The following DSCAM variants were observed in gnomAD, a reference collection of about 807,000 sequenced individuals.
The protein encoded by DSCAM is cell adhesion molecule DSCAM.
DSCAM carries 47 observed loss-of-function variants against 217.7 expected under a neutral mutation model. That is an observed-to-expected ratio of 0.22 (90% CI 0.17 to 0.28). DSCAM has a LOEUF of 0.28. Among genes scored for constraint, DSCAM ranks in the 10% least tolerant of loss-of-function variants. The pLI is 1.00. For missense variants in DSCAM, 2,080 were observed against 2,618.3 expected, an observed-to-expected ratio of 0.79 and a Z score of 4.49; for synonymous variants, 1,056 against 1,015.3, an observed-to-expected ratio of 1.04 and a Z score of -0.76.
At chr21:40,412,021 GT>G (rs1338926790) in intron 3 of DSCAM, among the ~76,000 whole-genome samples, 8 of 152,248 alleles carry the variant, frequency 5.3e-5, no homozygotes, top group South Asian at 2.1e-4. Flanking sequence ...AGATCTGATG[GT>G]TTGATAAGGG....
Position 40,692,792 on chromosome 21 carries a change from T to C in DSCAM, c.508+18A>G, listed in dbSNP as rs753357384. 3 of 1,606,808 alleles carry C rather than the reference T, an allele frequency of 1.9e-6. No homozygotes were observed. The African/African-American group carries it at 4.0e-5, about 21-fold the overall frequency. Reference sequence around the variant, plus strand: ...AAGGTGAGCGTGGTGTCCTGCACCCTGGAGACGCAAAGCCTACCTGAGACA... The same window carrying C: ...AAGGTGAGCGTGGTGTCCTGCACCCCGGAGACGCAAAGCCTACCTGAGACA... On this transcript the variant is annotated intron_variant, in intron 3 of 32. Coordinates refer to ENST00000400454, the MANE Select transcript of DSCAM (RefSeq NM_001389.5).
intron 1 of DSCAM, among the ~76,000 whole-genome samples, chr21:40,815,279 G>A (rs760630939): frequency 9.2e-5 from 14 of 151,948 alleles, no homozygotes; most frequent in Admixed American, 8.5e-4. Context: ...ACGAGATAAG[G>A]CTATTTTCCC....
chr21:40,342,266 T>C lies in DSCAM; in HGVS notation c.1211-2851A>G, dbSNP rs568887033. 3.3e-5 allele frequency among the ~76,000 whole-genome samples: 5 copies of C among 152,264 alleles called. No homozygotes were observed. The South Asian group carries it at 1.0e-3, about 32-fold the overall frequency. On this transcript the variant is annotated intron_variant, in intron 6 of 32. Transcript: ENST00000400454. ...GTAAGATTCCTATAGAGATTATATA[T>C]AATATCTGTCAACATATATATGACA...
At chr21:40,317,574 G>T (rs1243932737) in intron 8 of DSCAM, among the ~76,000 whole-genome samples, 2 of 151,696 alleles carry the variant, frequency 1.3e-5, no homozygotes, top group Non-Finnish European at 2.9e-5. Context: ...TTGTTGCCTA[G>T]GCTGGAGTTC....
chr21:40,781,992 C>CAAAAA (rs57750960), intron 1 of DSCAM, among the ~76,000 whole-genome samples: 62 of 106,364 alleles, frequency 5.8e-4, no homozygotes, highest in Non-Finnish European at 7.4e-4. Flanking sequence ...ACTAAAAATA[C>CAAAAA]AAAAAAAAAA....
chr21:40,565,393 A>G (rs1347888781), intron 3 of DSCAM, among the ~76,000 whole-genome samples: 1 of 152,204 alleles, frequency 6.6e-6, no homozygotes, highest in African/African-American at 2.4e-5. Flanking sequence ...AGCTGACTCT[A>G]GCCTATCCAC....
chr21:40,506,959 GA>G (rs1160623671), intron 3 of DSCAM, among the ~76,000 whole-genome samples: 5 of 152,080 alleles, frequency 3.3e-5, no homozygotes, highest in Non-Finnish European at 2.9e-5. Context: ...ACTTTGATTG[GA>G]AAAAAACTTT....
At chr21:40,770,595 G>C (rs2091435814) in intron 1 of DSCAM, among the ~76,000 whole-genome samples, 1 of 152,188 alleles carries the variant, frequency 6.6e-6, no homozygotes, top group Admixed American at 6.5e-5. Context: ...ACAGTTGGGG[G>C]TGTAGAAAAA....
intron 1 of DSCAM, among the ~76,000 whole-genome samples, chr21:40,765,625 A>G (rs1380555366): frequency 6.6e-6 from 1 of 151,896 alleles, no homozygotes; most frequent in African/African-American, 2.4e-5. Context: ...GTAGGCTATG[A>G]CCCCGGGAAG....
chr21:40,628,701 CTAT>C (rs1161916235), intron 3 of DSCAM, among the ~76,000 whole-genome samples: 4 of 1,830 alleles, frequency 2.2e-3, no homozygotes, highest in African/African-American at 3.9e-3. Context: ...TGCTATCTAT[CTAT>C]CTATCTATCT....
chr21:40,817,868 G>A (rs1315693098), intron 1 of DSCAM, among the ~76,000 whole-genome samples: 3 of 150,576 alleles, frequency 2.0e-5, no homozygotes, highest in South Asian at 2.1e-4. Flanking sequence ...AGGCCGAGGC[G>A]GGTGGATCAT....
intron 20 of DSCAM, among the ~76,000 whole-genome samples, chr21:40,123,598 C>G (rs945573125): frequency 2.6e-5 from 4 of 152,052 alleles, no homozygotes; most frequent in Non-Finnish European, 4.4e-5. Flanking sequence ...TAACAAAAAC[C>G]ACACTTTGAA....
intron 3 of DSCAM, among the ~76,000 whole-genome samples, chr21:40,429,256 T>A (rs999941795): frequency 4.6e-5 from 7 of 151,840 alleles, no homozygotes; most frequent in Non-Finnish European, 1.0e-4. Flanking sequence ...CAGTATTGTA[T>A]CAAGTTTTTT....
intron 3 of DSCAM, among the ~76,000 whole-genome samples, chr21:40,522,417 A>C (rs2076366385): frequency 6.6e-6 from 1 of 152,236 alleles, no homozygotes; most frequent in Non-Finnish European, 1.5e-5. Flanking sequence ...ATCATCAGGC[A>C]TAAATCCTAC....
rs764160478 is a variant in DSCAM, at chr21:40,360,121, G to GTTTTTTTTTTTTT, written c.656-6379_656-6378insAAAAAAAAAAAAA. Among the ~76,000 whole-genome samples the GTTTTTTTTTTTTT allele has an allele frequency of 2.1e-4, 17 of 82,656 alleles. 6 individuals are homozygous for GTTTTTTTTTTTTT. Among genetic ancestry groups the GTTTTTTTTTTTTT allele is most frequent in the African/African-American group, 2.0e-4 (4 of 19,900 alleles). The allele number at this position is 82,656 out of a possible 152,430, so 54.2% of individuals were successfully genotyped here. Reference sequence around the variant, plus strand: ...TAGTGAGCATGGTACTTCATAGGTAGTCTTTTTTTTTTTTTTTTTTTTTTT... The same window carrying GTTTTTTTTTTTTT: ...TAGTGAGCATGGTACTTCATAGGTAGTTTTTTTTTTTTTTCTTTTTTTTTTTTTTTTTTTTTTT... On this transcript the variant is annotated intron_variant, in intron 4 of 32. Transcript: ENST00000400454.
At chr21:40,699,626 T>C (rs919958117) in intron 2 of DSCAM, among the ~76,000 whole-genome samples, 1 of 152,182 alleles carries the variant, frequency 6.6e-6, no homozygotes, top group Non-Finnish European at 1.5e-5. Flanking sequence ...TTTGAGTAGA[T>C]AGAAGATCTG....
At chr21:40,251,238 C>CACATA (rs2073299876) in intron 11 of DSCAM, among the ~76,000 whole-genome samples, 1 of 152,064 alleles carries the variant, frequency 6.6e-6, no homozygotes, top group Non-Finnish European at 1.5e-5. Flanking sequence ...CAGAAGAATA[C>CACATA]TGAGTAACAC....
chr21:40,286,184 G>C (rs1300562357), intron 10 of DSCAM, among the ~76,000 whole-genome samples: 1 of 152,166 alleles, frequency 6.6e-6, no homozygotes, highest in Non-Finnish European at 1.5e-5. Context: ...AGAGGATTAA[G>C]ATAGGGCCAG....
At chr21:40,762,846 C>T (rs1295196541) in intron 1 of DSCAM, among the ~76,000 whole-genome samples, 1 of 152,144 alleles carries the variant, frequency 6.6e-6, no homozygotes, top group Non-Finnish European at 1.5e-5. Flanking sequence ...ACAAAAAATA[C>T]ATGATTATCT....
Sources: gnomAD v4.1 joint callset for allele counts (sites outside exome capture counted in the v4.1 genomes callset) on GRCh38, gnomAD v4.1.1 for gene constraint, MANE v1.5 for transcripts, NCBI Gene and HGNC (gene_info 2026-07-23, HGNC 2026-07-21) for gene names.